The following SP140 variants were observed in gnomAD, a reference collection of about 807,000 sequenced individuals.
SP140 encodes nuclear body protein SP140.
In SP140, 81 loss-of-function variants were observed where a neutral mutation model predicts 125.0. The ratio of observed to expected loss-of-function variants is 0.65; its 90% CI spans 0.54 to 0.78. The LOEUF (loss-of-function observed/expected upper bound fraction) is 0.78. Among genes scored for constraint, SP140 ranks in the 30% least tolerant of loss-of-function variants. The pLI is 0.00. For missense variants in SP140, 858 were observed against 1,037.0 expected (o/e 0.83, Z 2.37); for synonymous variants, 312 against 354.0 (o/e 0.88, Z 1.33).
At chr2:230,246,220 A>C (rs990092597) in intron 7 of SP140, among the ~76,000 whole-genome samples, 2 of 152,196 alleles carry the variant, frequency 1.3e-5, no homozygotes, top group Non-Finnish European at 2.9e-5. Flanking sequence ...CACAAGTAGC[A>C]AAAGAAGGAT....
chr2:230,212,863 T>C (rs774940395), intron 1 of SP140: 2 of 1,614,060 alleles, frequency 1.2e-6, no homozygotes, highest in South Asian at 2.2e-5. Flanking sequence ...TGGGAGGATG[T>C]TCCAGGCTCA....
Position 230,245,877 on chromosome 2 carries a change from G to A in SP140, c.679G>A (p.Ala227Thr). 8.1e-6 allele frequency: 13 copies of A among 1,606,030 alleles called. No individual in the cohort carries two copies. Among genetic ancestry groups the A allele is most frequent in the Non-Finnish European group, 1.1e-5 (13 of 1,172,682 alleles). The change falls in exon 7 of 27, where the codon GCT becomes ACT. Residue 227 changes from alanine (A) to threonine (T), a missense_variant. This residue lies in a region of SP140 where 791 missense variants were observed against 869.5 expected (regional missense o/e 0.91). Coordinates refer to ENST00000392045, the MANE Select transcript of SP140 (RefSeq NM_007237.5). ...LPGGGVSCKLAIQIDEGESEE... is the reference protein window; with the variant it reads ...LPGGGVSCKLTIQIDEGESEE... ...TCACTCTGCAGTGTCCTGTAAACTT[G>A]CTATACAAATAGATGAAGGAGAATC... is the stretch of plus-strand genomic sequence containing the variant.
chr2:230,247,735 T>C (rs1483908708), intron 7 of SP140, among the ~76,000 whole-genome samples, 181 bp from the exon 8 acceptor site: 2 of 152,216 alleles, frequency 1.3e-5, no homozygotes, highest in East Asian at 3.8e-4. Flanking sequence ...AAGGTTTATA[T>C]ACAAATTTTC....
chr2:230,277,474 C>T (rs1364457068), intron 15 of SP140, among the ~76,000 whole-genome samples: 1 of 152,150 alleles, frequency 6.6e-6, no homozygotes, highest in African/African-American at 2.4e-5. Flanking sequence ...GAAACCAAAA[C>T]ATTTGTGTGA....
intron 22 of SP140, among the ~76,000 whole-genome samples, chr2:230,306,221 C>T (rs915938001): frequency 6.6e-6 from 1 of 152,206 alleles, no homozygotes; most frequent in African/African-American, 2.4e-5. Flanking sequence ...TCTATCACAG[C>T]CTGGACCTCT....
chr2:230,256,359 C>T lies in SP140; in HGVS notation c.1240+827C>T, dbSNP rs1483210766. Among the ~76,000 whole-genome samples, 5 of 149,632 alleles carry T rather than the reference C, an allele frequency of 3.3e-5. No homozygotes were observed. In the South Asian group the frequency reaches 8.5e-4, roughly 25 times the overall value. On this transcript the variant is annotated intron_variant, in intron 12 of 26. Coordinates refer to ENST00000392045, the MANE Select transcript of SP140 (RefSeq NM_007237.5). ...TATGCAGCCATAAAAAATGATGAGT[C>T]CATGTCCTTTGTAGGGACATGGATG...
At chr2:230,291,055 G>T (rs2057055679) in intron 19 of SP140, among the ~76,000 whole-genome samples, 1 of 152,198 alleles carries the variant, frequency 6.6e-6, no homozygotes, top group Non-Finnish European at 1.5e-5. Context: ...TCTCATCCAA[G>T]AGAGGGAACA....
At chr2:230,269,658 T>C in intron 13 of SP140, 40 bp downstream of exon 13, 1 of 1,286,006 alleles carries the variant, frequency 7.8e-7, no homozygotes, top group Admixed American at 2.2e-5. Flanking sequence ...GAAACAGAGT[T>C]CTGATAAAGA....
upstream of SP140, chr2:230,201,007 C>A: frequency 1.4e-6 from 2 of 1,470,860 alleles, no homozygotes; most frequent in Non-Finnish European, 1.9e-6. Flanking sequence ...TTGGGAAACA[C>A]CATGGAGAAT....
intron 9 of SP140, among the ~76,000 whole-genome samples, chr2:230,250,167 C>G (rs149884057): frequency 0.011 from 1,608 of 152,344 alleles, 27 homozygotes; most frequent in African/African-American, 0.036. Flanking sequence ...CTCTTCTACT[C>G]ATCAGACTCT....
At chr2:230,287,835 A>C in intron 17 of SP140, 57 bp from the exon 18 acceptor site, 1 of 1,411,084 alleles carries the variant, frequency 7.1e-7, no homozygotes, top group East Asian at 2.3e-5. Flanking sequence ...AAAAGCTGTA[A>C]TATGTGTAAT....
intron 3 of SP140, chr2:230,214,896 A>G: frequency 6.7e-7 from 1 of 1,492,536 alleles, no homozygotes; most frequent in South Asian, 1.1e-5. Flanking sequence ...GTAAACCCAG[A>G]CTTTTACCAT....
Position 230,211,516 on chromosome 2 carries a change from TTTA to T in SP140, c.-322-2136_-322-2134del. 1.2e-6 allele frequency: 2 copies of T among 1,612,356 alleles called. No homozygotes were observed. Among genetic ancestry groups the T allele is most frequent in the East Asian group, 4.5e-5 (2 of 44,872 alleles). The stretch of plus-strand genomic sequence containing the variant: ...AGTGGGGCATCTCTTGAGGGTCTTC[TTTA>T]TCTCTTATTTGGGGGATCAGGTTGT... On this transcript the variant is annotated intron_variant, in intron 1 of 4. Transcript: ENST00000456542. This position sits in a 1 kb window ranked among gnomAD's most constrained non-coding sequence, Gnocchi z 4.2.
intron 17 of SP140, 89 bp downstream of exon 17, chr2:230,285,921 G>T: frequency 1.0e-6 from 1 of 975,672 alleles, no homozygotes. Flanking sequence ...CACCTTAATT[G>T]TTTACTCATC....
At chr2:230,306,327 G>A (rs1344163834) in intron 22 of SP140, among the ~76,000 whole-genome samples, 1 of 152,226 alleles carries the variant, frequency 6.6e-6, no homozygotes, top group East Asian at 1.9e-4. Flanking sequence ...CTTTGTGTGA[G>A]GTTGGCTGGG....
At chr2:230,300,147 G>A (rs1470077336) in intron 22 of SP140, among the ~76,000 whole-genome samples, 1 of 152,096 alleles carries the variant, frequency 6.6e-6, no homozygotes, top group Non-Finnish European at 1.5e-5. Flanking sequence ...CATATTACTT[G>A]CAGCTGATGG....
intron 22 of SP140, among the ~76,000 whole-genome samples, chr2:230,305,872 T>G (rs1017910259): frequency 1.3e-5 from 2 of 152,226 alleles, no homozygotes; most frequent in Non-Finnish European, 2.9e-5. Context: ...TTAGAGTGAC[T>G]GCTGTGCCTG....
chr2:230,217,472 C>T (rs575088418), intron 3 of SP140, among the ~76,000 whole-genome samples: 56 of 152,178 alleles, frequency 3.7e-4, no homozygotes, highest in Admixed American at 2.6e-3. Flanking sequence ...AATCCCAAGG[C>T]GCTGCAGGTA....
At chr2:230,297,120 G>A (rs926241583) in intron 21 of SP140, among the ~76,000 whole-genome samples, 1 of 152,210 alleles carries the variant, frequency 6.6e-6, no homozygotes, top group Admixed American at 6.5e-5. Flanking sequence ...CAACACAGGA[G>A]TAAGACAGAG....
Sources: gnomAD v4.1 joint callset for allele counts (sites outside exome capture counted in the v4.1 genomes callset) on GRCh38, gnomAD v4.1.1 for gene constraint, gnomAD v4.1.1 regional missense constraint, Gnocchi (gnomAD v3.1) non-coding constraint, MANE v1.5 for transcripts, NCBI Gene and HGNC (gene_info 2026-07-23, HGNC 2026-07-21) for gene names.